The following ZNF827 variants were observed in gnomAD, a reference collection of about 807,000 sequenced individuals.
ZNF827 encodes the protein zinc finger protein 827.
A neutral mutation model predicts 102.4 loss-of-function variants in ZNF827; 13 were observed. That is an observed-to-expected ratio of 0.13 (90% CI 0.08 to 0.20). The LOEUF is 0.20. Ranked by LOEUF, ZNF827 falls within the 10% of genes least tolerant of loss-of-function variation. The pLI is 1.00. For synonymous variants in ZNF827, 523 were observed against 536.2 expected (o/e 0.98, Z 0.34); for missense variants, 1,103 against 1,344.4 (o/e 0.82, Z 2.81).
chr4:145,895,055 G>T (rs1400852767), intron 2 of ZNF827, among the ~76,000 whole-genome samples: 1 of 152,064 alleles, frequency 6.6e-6, no homozygotes, highest in East Asian at 1.9e-4. Context: ...AAACAAACAG[G>T]CTGTCATTGA....
At chr4:145,873,922 C>A (rs1748928606) in intron 4 of ZNF827, among the ~76,000 whole-genome samples, 1 of 151,832 alleles carries the variant, frequency 6.6e-6, no homozygotes, top group Non-Finnish European at 1.5e-5. Flanking sequence ...TGAGGAAGAA[C>A]AATTTAAAGT....
At position 145,764,799 on chromosome 4, in the gene ZNF827, G is replaced by T; in HGVS notation, c.3230+189C>A. On this transcript the variant is annotated intron_variant, in intron 13 of 14. Transcript: ENST00000508784. ...AAAATGGATTCTCCTACTGACATCTGTTGACACCCTAGGGGGACAGGTCTA... is the reference window on the plus strand; with the variant it reads ...AAAATGGATTCTCCTACTGACATCTTTTGACACCCTAGGGGGACAGGTCTA... The T allele has an allele frequency of 4.2e-6, 3 of 711,200 alleles. No individual in the cohort carries two copies. In the South Asian group the frequency reaches 5.3e-5, roughly 13 times the overall value. The allele number at this position is 711,200 out of a possible 1,614,324, so 44.1% of individuals were successfully genotyped here. A position where few individuals can be genotyped will look rare whatever the true frequency, so the allele number is the denominator to read the frequency against.
intron 1 of ZNF827, among the ~76,000 whole-genome samples, chr4:145,928,822 G>A (rs1233903655): frequency 1.3e-5 from 2 of 152,206 alleles, no homozygotes; most frequent in Non-Finnish European, 2.9e-5. Flanking sequence ...GGGATCAGGA[G>A]GTAAGATACC....
At chr4:145,937,642 T>C (rs1343850811) in intron 1 of ZNF827, among the ~76,000 whole-genome samples, 2 of 145,018 alleles carry the variant, frequency 1.4e-5, no homozygotes, top group Non-Finnish European at 3.0e-5. Context: ...CGTGTGTTTG[T>C]GTGCGGTGCC....
chr4:145,831,930 C>T (rs1744248474), intron 7 of ZNF827: 1 of 151,958 alleles, frequency 6.6e-6, no homozygotes, highest in South Asian at 2.1e-4. Context: ...AAAAATCCAA[C>T]CCAGACAAGC....
At chr4:145,916,853 C>T (rs1752702352) in intron 1 of ZNF827, among the ~76,000 whole-genome samples, 1 of 152,154 alleles carries the variant, frequency 6.6e-6, no homozygotes, top group South Asian at 2.1e-4. Flanking sequence ...CTCTTAAATT[C>T]TGCCTTCCTA....
rs142344936 is a variant in ZNF827 at position 145,885,802 on chromosome 4, G to C, written c.1623C>G (p.Ala541=). The change falls in exon 4 of 15, where the codon GCC becomes GCG. Residue 541 remains alanine, a synonymous_variant. Transcript: ENST00000508784. ...GLPTSFTLNA[A]DRPANHTKLK... is the part of the protein sequence containing the mutation. ...GCTTTGTGTGGTTGGCGGGCCTGTC[G>C]GCAGCATTCAAAGTAAAGGAGGTGG... 5.0e-6 allele frequency: 8 copies of C among 1,613,440 alleles called. No homozygotes were observed. Among genetic ancestry groups the C allele is most frequent in the Non-Finnish European group, 5.9e-6 (7 of 1,179,686 alleles).
Position 145,761,939 on chromosome 4 carries a change from C to A in ZNF827, c.*18-341G>T, listed in dbSNP as rs534443397. ...CCCCTCCAGCCCCCGCCCGGCCCCT[C>A]GGAGCCCTCCCCACTCCCGACCAGA... On this transcript the variant is annotated intron_variant, in intron 14 of 14. Transcript: ENST00000508784. This position sits in a 1 kb window ranked among gnomAD's most constrained non-coding sequence, Gnocchi z 6.8. Among the ~76,000 whole-genome samples, 6 of 152,236 alleles carry A rather than the reference C, an allele frequency of 3.9e-5. No homozygotes were observed. Among genetic ancestry groups the A allele is most frequent in the African/African-American group, 1.4e-4 (6 of 41,544 alleles).
At position 145,845,975 on chromosome 4, in the gene ZNF827, T is replaced by C. The variant is rs767856620; in HGVS notation, c.2260A>G (p.Thr754Ala). ...SKEHNHTKEN[T>A]IRTTTSPFFS... Reference sequence around the variant, plus strand: ...GCCTACCTGGTCGTGGTCCGGATGGTGTTTTCTTTTGTATGATTGTGCTCT... The same window carrying C: ...GCCTACCTGGTCGTGGTCCGGATGGCGTTTTCTTTTGTATGATTGTGCTCT... The change falls in exon 7 of 15, where the codon ACC becomes GCC. Residue 754 changes from threonine (T) to alanine (A), a missense_variant. Physicochemically the swap from Thr to Ala is moderately conservative, Grantham distance 58. This residue lies in a region of ZNF827 where 243 missense variants were observed against 251.6 expected (regional missense o/e 0.97). Coordinates refer to ENST00000508784, the MANE Select transcript of ZNF827 (RefSeq NM_001306215.2). 1 of 1,614,184 alleles carries C rather than the reference T, an allele frequency of 6.2e-7. No individual in the cohort carries two copies. Among genetic ancestry groups the C allele is most frequent in the Admixed American group, 1.7e-5 (1 of 60,030 alleles).
chr4:145,906,569 A>AGTTT (rs1751887336), intron 1 of ZNF827, among the ~76,000 whole-genome samples: 1 of 152,234 alleles, frequency 6.6e-6, no homozygotes, highest in Non-Finnish European at 1.5e-5. Context: ...GTGCTGAAAC[A>AGTTT]GGTGAGTGTG....
At chr4:145,889,547 G>A (rs1217470985) in intron 3 of ZNF827, among the ~76,000 whole-genome samples, 1 of 145,668 alleles carries the variant, frequency 6.9e-6, no homozygotes, top group Non-Finnish European at 1.5e-5. Context: ...TGGCTATACT[G>A]ACCCCACTTT....
intron 1 of ZNF827, among the ~76,000 whole-genome samples, chr4:145,924,024 C>T (rs1753257158): frequency 6.6e-6 from 1 of 152,200 alleles, no homozygotes; most frequent in Non-Finnish European, 1.5e-5. Flanking sequence ...AAGCAAACAT[C>T]CATTGTGGTA....
At chr4:145,906,924 T>C (rs1561067012) in intron 1 of ZNF827, 1 of 399,392 alleles carries the variant, frequency 2.5e-6, no homozygotes, top group Non-Finnish European at 4.9e-6. Flanking sequence ...ACTCTGTTAA[T>C]CACTTTTCTG....
rs1286060525 is a variant in ZNF827, at chr4:145,765,499, A to G, written c.3052+48T>C. 6.4e-7 allele frequency: 1 copy of G among 1,556,680 alleles called. No homozygotes were observed. Among genetic ancestry groups the G allele is most frequent in the East Asian group, 2.3e-5 (1 of 44,408 alleles). ...CAGGGCTTATTCTCAAGAATGGGTC[A>G]TCCTGGGTGCGGAGGGTTGAGCAGG... On this transcript the variant is annotated intron_variant, in intron 12 of 14. Transcript: ENST00000508784. This position sits in a 1 kb window ranked among gnomAD's most constrained non-coding sequence, Gnocchi z 4.7.
Position 145,775,776 on chromosome 4 carries a change from A to C in ZNF827, c.2693+13T>G, listed in dbSNP as rs975713231. 6.2e-7 allele frequency: 1 copy of C among 1,614,096 alleles called. No individual in the cohort carries two copies. Among genetic ancestry groups the C allele is most frequent in the Non-Finnish European group, 8.5e-7 (1 of 1,179,970 alleles). ...TGAGAAAGGCGGACTAGCATGTTCC[A>C]TCTGCAACTCACCTGTAATAATAAG... On this transcript the variant is annotated intron_variant, in intron 10 of 14. Transcript: ENST00000508784.
chr4:145,936,740 A>G (rs1193151666), intron 1 of ZNF827, among the ~76,000 whole-genome samples: 1 of 152,034 alleles, frequency 6.6e-6, no homozygotes, highest in East Asian at 1.9e-4. Context: ...ACACAGCCCG[A>G]GCCCGAGACA....
At chr4:145,861,968 G>A (rs968755742) in intron 5 of ZNF827, among the ~76,000 whole-genome samples, 5 of 152,132 alleles carry the variant, frequency 3.3e-5, no homozygotes, top group African/African-American at 1.2e-4. Flanking sequence ...AGAAAGCTGG[G>A]TCAAAAAAGC....
chr4:145,932,142 T>C (rs1178891958), intron 1 of ZNF827, among the ~76,000 whole-genome samples: 1 of 152,224 alleles, frequency 6.6e-6, no homozygotes, highest in Non-Finnish European at 1.5e-5. Flanking sequence ...TGCTGGCACC[T>C]TGATCTTGGA....
chr4:145,898,185 C>T (rs146100635), intron 2 of ZNF827, among the ~76,000 whole-genome samples: 321 of 152,182 alleles, frequency 2.1e-3, no homozygotes, highest in African/African-American at 7.3e-3. Context: ...TAACCACGGG[C>T]CTAATGGGAG....
Sources: gnomAD v4.1 joint callset for allele counts (sites outside exome capture counted in the v4.1 genomes callset) on GRCh38, gnomAD v4.1.1 for gene constraint, gnomAD v4.1.1 regional missense constraint, Gnocchi (gnomAD v3.1) non-coding constraint, MANE v1.5 for transcripts, NCBI Gene and HGNC (gene_info 2026-07-23, HGNC 2026-07-21) for gene names.